DNM3: variants seen among roughly 807,000 people sequenced by gnomAD.
The protein encoded by DNM3 is dynamin 3.
In DNM3, 47 loss-of-function variants were observed where a neutral mutation model predicts 101.6. The ratio of observed to expected loss-of-function variants is 0.46; its 90% CI spans 0.37 to 0.59. DNM3 has a LOEUF of 0.59. Among genes scored for constraint, DNM3 ranks in the 20% least tolerant of loss-of-function variants. The pLI is 0.00. For missense variants in DNM3, 849 were observed against 1,085.7 expected, an observed-to-expected ratio of 0.78 and a Z score of 3.06; for synonymous variants, 385 against 387.9, an observed-to-expected ratio of 0.99 and a Z score of 0.09.
At position 172,388,682 on chromosome 1, in the gene DNM3, C is replaced by A. The variant is rs535879781; in HGVS notation, c.2395C>A (p.His799Asn). Residue 799 changes from histidine (H) to asparagine (N), a missense_variant, in exon 20 of 21, where the codon CAC (histidine) becomes AAC (asparagine). Around this residue, in one of 5 missense-constraint regions of DNM3, gnomAD observed 256 missense variants for 311.7 expected, o/e 0.82. Transcript: ENST00000627582. Reference protein sequence around the residue: ...PAPAIPSPGPHSGAPPVPFRP... With the variant: ...PAPAIPSPGPNSGAPPVPFRP... ...TCCTGCCATTCCCTCTCCTGGCCCC[C>A]ACTCTGGGGCTCCTCCAGTCCCATT... 1.0e-4 allele frequency: 166 copies of A among 1,613,962 alleles called. No homozygotes were observed. The highest frequency in any genetic ancestry group is 9.0e-4 in the South Asian group (82 of 91,080).
chr1:171,894,804 T>A (rs934040781), intron 1 of DNM3, among the ~76,000 whole-genome samples: 1 of 97,282 alleles, frequency 1.0e-5, no homozygotes, highest in African/African-American at 4.0e-5. Context: ...TTCTCGTTGT[T>A]CAATTTCCCA....
chr1:172,268,932 C>G (rs2062976141), intron 15 of DNM3, among the ~76,000 whole-genome samples: 1 of 152,054 alleles, frequency 6.6e-6, no homozygotes, highest in African/African-American at 2.4e-5. Context: ...CTTAAAACAC[C>G]TGTGTGAAGT....
chr1:171,870,314 A>G (rs905310411), intron 1 of DNM3, among the ~76,000 whole-genome samples: 1 of 152,148 alleles, frequency 6.6e-6, no homozygotes, highest in Non-Finnish European at 1.5e-5. Flanking sequence ...CTGAAGATAA[A>G]TTTTAGGTGG....
intron 18 of DNM3, among the ~76,000 whole-genome samples, chr1:172,385,992 G>A (rs1023479): frequency 0.7 from 106,744 of 152,142 alleles, 40,542 homozygotes; most frequent in East Asian, 0.88. Context: ...AAGTCAGAAG[G>A]TTATGGATTC....
intron 15 of DNM3, among the ~76,000 whole-genome samples, chr1:172,273,095 A>T (rs2063144991): frequency 6.6e-6 from 1 of 152,136 alleles, no homozygotes; most frequent in South Asian, 2.1e-4. Flanking sequence ...TGCAAAAGAC[A>T]ATAGGTAAAT....
chr1:172,342,013 A>G (rs1047629928), intron 17 of DNM3, among the ~76,000 whole-genome samples: 3 of 152,198 alleles, frequency 2.0e-5, no homozygotes, highest in Non-Finnish European at 4.4e-5. Context: ...GTTCAACATC[A>G]CTAATCATTA....
At chr1:172,193,319 A>C (rs676597) in intron 14 of DNM3, among the ~76,000 whole-genome samples, 75,888 of 151,862 alleles carry the variant, frequency 0.5, 20,994 homozygotes, top group African/African-American at 0.75. Context: ...GTCTAAAATT[A>C]TCTTATTTTG....
chr1:171,992,369 A>G (rs1159572520), intron 4 of DNM3, among the ~76,000 whole-genome samples: 1 of 152,126 alleles, frequency 6.6e-6, no homozygotes, highest in Non-Finnish European at 1.5e-5. Context: ...AGGAATCAAT[A>G]TCCACAAAGT....
chr1:172,127,259 G>A lies in DNM3; in HGVS notation c.1546-3916G>A, dbSNP rs376021507. On this transcript the variant is annotated intron_variant, in intron 13 of 20. Transcript: ENST00000627582. ...CCACCCTTACTCTCTCAACCTCCCC[G>A]GCCTCACAAGATGAGGCAGCTTTAT... Among the ~76,000 whole-genome samples the A allele has an allele frequency of 9.9e-5, 15 of 151,824 alleles. No homozygotes were observed. In the East Asian group the frequency reaches 1.2e-3, roughly 12 times the overall value.
chr1:172,042,706 G>A (rs1009824434), intron 8 of DNM3, among the ~76,000 whole-genome samples: 1 of 152,104 alleles, frequency 6.6e-6, no homozygotes, highest in Admixed American at 6.6e-5. Flanking sequence ...CTCGGGTAAG[G>A]CACTAAAGTA....
chr1:171,919,251 C>A (rs1435903019), intron 1 of DNM3, among the ~76,000 whole-genome samples: 1 of 152,100 alleles, frequency 6.6e-6, no homozygotes, highest in South Asian at 2.1e-4. Context: ...TGGTTTGCTG[C>A]ACCCATCAAC....
At chr1:172,319,389 A>G (rs1219700846) in intron 16 of DNM3, among the ~76,000 whole-genome samples, 21 of 152,266 alleles carry the variant, frequency 1.4e-4, no homozygotes, top group African/African-American at 3.1e-4. Flanking sequence ...TTGACAAATG[A>G]GATCTAATTA....
chr1:172,108,907 A>C (rs2055258018), intron 13 of DNM3, among the ~76,000 whole-genome samples: 1 of 152,232 alleles, frequency 6.6e-6, no homozygotes, highest in Non-Finnish European at 1.5e-5. Context: ...GCCTGGATGG[A>C]GAACTACTTT....
chr1:172,344,861 A>G (rs1480789845), intron 17 of DNM3, among the ~76,000 whole-genome samples: 1 of 152,226 alleles, frequency 6.6e-6, no homozygotes. Context: ...TCTATATTCC[A>G]TTACCAACAT....
intron 14 of DNM3, among the ~76,000 whole-genome samples, chr1:172,229,932 A>G (rs531463681): frequency 5.9e-5 from 9 of 152,194 alleles, no homozygotes; most frequent in African/African-American, 2.2e-4. Flanking sequence ...CAGTGTATTG[A>G]CATAGAAGTT....
chr1:172,181,820 TG>T (rs1414281707), intron 14 of DNM3, among the ~76,000 whole-genome samples: 3 of 145,778 alleles, frequency 2.1e-5, no homozygotes, highest in Non-Finnish European at 3.0e-5. Context: ...TTTTTTTTTT[TG>T]AAAATAAACT....
At chr1:172,382,558 A>G (rs7528477) in intron 18 of DNM3, among the ~76,000 whole-genome samples, 149,718 of 152,246 alleles carry the variant, frequency 0.98, 73,643 homozygotes, top group East Asian at 1. Context: ...CTGAAATCCA[A>G]GTCTTCTCAC....
At chr1:172,183,959 T>G (rs1211634806) in intron 14 of DNM3, among the ~76,000 whole-genome samples, 1 of 151,436 alleles carries the variant, frequency 6.6e-6, no homozygotes, top group Non-Finnish European at 1.5e-5. Flanking sequence ...GAAATTAATA[T>G]TCTAGTACTC....
intron 12 of DNM3, among the ~76,000 whole-genome samples, chr1:172,089,220 C>T (rs952589540): frequency 5.3e-5 from 8 of 152,076 alleles, no homozygotes; most frequent in African/African-American, 1.9e-4. Context: ...TTTGTGTATG[C>T]ATATCATTAC....
Sources: gnomAD v4.1 joint callset for allele counts (sites outside exome capture counted in the v4.1 genomes callset) on GRCh38, gnomAD v4.1.1 for gene constraint, gnomAD v4.1.1 regional missense constraint, MANE v1.5 for transcripts, NCBI Gene and HGNC (gene_info 2026-07-23, HGNC 2026-07-21) for gene names.